The following TMEM117 variants were observed in gnomAD, a reference collection of about 807,000 sequenced individuals.
The protein encoded by TMEM117 is transmembrane protein 117.
TMEM117 carries 27 observed loss-of-function variants against 52.4 expected under a neutral mutation model. The observed-to-expected ratio is 0.51, with a 90% CI of 0.38 to 0.71. The LOEUF (loss-of-function observed/expected upper bound fraction) is 0.71, where lower values mean the gene tolerates loss of function less well. Ranked by LOEUF, TMEM117 falls within the 30% of genes least tolerant of loss-of-function variation. The pLI is 0.00. For synonymous variants in TMEM117, 215 were observed against 206.3 expected (o/e 1.04, Z -0.36); for missense variants, 556 against 630.5 (o/e 0.88, Z 1.26).
intron 3 of TMEM117, among the ~76,000 whole-genome samples, chr12:44,133,588 C>T (rs1000638818): frequency 6.6e-6 from 1 of 151,840 alleles, no homozygotes; most frequent in Non-Finnish European, 1.5e-5. Context: ...GCGTGAAATT[C>T]TTGGTGGTTA....
At chr12:44,195,339 A>C (rs1375774585) in intron 4 of TMEM117, among the ~76,000 whole-genome samples, 3 of 152,206 alleles carry the variant, frequency 2.0e-5, no homozygotes, top group South Asian at 4.1e-4. Flanking sequence ...GCATCCCTGC[A>C]TTGAATCCCT....
intron 5 of TMEM117, among the ~76,000 whole-genome samples, chr12:44,213,614 A>G (rs781104535): frequency 2.6e-5 from 4 of 152,080 alleles, no homozygotes; most frequent in Non-Finnish European, 5.9e-5. Flanking sequence ...CGTGGGAGGG[A>G]CCCAGTGGGA....
chr12:44,346,564 C>G (rs1488336178), intron 6 of TMEM117, among the ~76,000 whole-genome samples: 1 of 152,108 alleles, frequency 6.6e-6, no homozygotes, highest in Non-Finnish European at 1.5e-5. Context: ...GTCTATTTGT[C>G]TTTCAGACTC....
At chr12:44,323,302 G>A (rs1478120097) in intron 6 of TMEM117, among the ~76,000 whole-genome samples, 1 of 152,118 alleles carries the variant, frequency 6.6e-6, no homozygotes, top group African/African-American at 2.4e-5. Context: ...CTTTGTTACA[G>A]CAGGAATAGG....
chr12:44,175,563 G>C (rs143735949), intron 4 of TMEM117, among the ~76,000 whole-genome samples: 1 of 152,176 alleles, frequency 6.6e-6, no homozygotes, highest in Admixed American at 6.6e-5. Flanking sequence ...ATATTCAAAC[G>C]TCTTTTGCCC....
At chr12:43,860,071 T>A (rs1219651589) in intron 2 of TMEM117, among the ~76,000 whole-genome samples, 1 of 152,200 alleles carries the variant, frequency 6.6e-6, no homozygotes, top group Non-Finnish European at 1.5e-5. Context: ...ATGTGCAGAA[T>A]GTGCAGTTTT....
chr12:43,897,307 C>T (rs1944221889), intron 2 of TMEM117, among the ~76,000 whole-genome samples: 1 of 116,358 alleles, frequency 8.6e-6, no homozygotes, highest in Admixed American at 1.2e-4. Context: ...CCTTTTGTAA[C>T]CATTCTTTTT....
the TMEM117 span, chr12:43,800,640 G>C: frequency 2.6e-6 from 2 of 777,910 alleles, no homozygotes; most frequent in Non-Finnish European, 4.2e-6. Flanking sequence ...ACAAAACTGA[G>C]CTGAAGTCCA....
rs573959975 is a variant in TMEM117, at chr12:44,170,409, G to A, written c.510+26785G>A. 5.3e-4 allele frequency among the ~76,000 whole-genome samples: 80 copies of A among 152,084 alleles called. No individual in the cohort carries two copies. The East Asian group carries it at 6.4e-3, about 12-fold the overall frequency. On this transcript the variant is annotated intron_variant, in intron 4 of 7. Transcript: ENST00000266534. Reference sequence around the variant, plus strand: ...GTATACATATGTAACAAACCTGCACGTTGTGCATGTGTACCCTAGAACTTA... The same window carrying A: ...GTATACATATGTAACAAACCTGCACATTGTGCATGTGTACCCTAGAACTTA...
intron 2 of TMEM117, among the ~76,000 whole-genome samples, chr12:43,929,475 G>T (rs553353495): frequency 2.6e-5 from 4 of 152,058 alleles, no homozygotes; most frequent in Middle Eastern, 3.4e-3. Context: ...CTTCTGCCTT[G>T]TAGCTTATTT....
intron 5 of TMEM117, 40 bp downstream of exon 5, chr12:44,211,427 A>G (rs1379266906): frequency 2.1e-6 from 3 of 1,431,762 alleles, no homozygotes; most frequent in East Asian, 4.6e-5. Context: ...GCCTTGCCTC[A>G]TTCACTGAAG....
At chr12:44,107,543 G>T (rs575975582) in intron 3 of TMEM117, among the ~76,000 whole-genome samples, 1 of 151,974 alleles carries the variant, frequency 6.6e-6, no homozygotes, top group Admixed American at 6.6e-5. Context: ...GAGTTGACAT[G>T]GAGATAGGAA....
At chr12:44,045,986 A>G (rs115287223) in intron 3 of TMEM117, among the ~76,000 whole-genome samples, 5,463 of 152,320 alleles carry the variant, frequency 0.036, 204 homozygotes, top group African/African-American at 0.092. Flanking sequence ...TTACAACATG[A>G]ACTAGGTGAC....
intron 4 of TMEM117, among the ~76,000 whole-genome samples, chr12:44,183,516 A>C (rs114243731): frequency 6.6e-6 from 1 of 152,186 alleles, no homozygotes; most frequent in African/African-American, 2.4e-5. Flanking sequence ...TGTTTGATGT[A>C]AACATTAACT....
At chr12:44,217,736 C>G (rs1949736172) in intron 5 of TMEM117, among the ~76,000 whole-genome samples, 1 of 152,084 alleles carries the variant, frequency 6.6e-6, no homozygotes, top group Non-Finnish European at 1.5e-5. Flanking sequence ...TTCCAGAAAC[C>G]AAAGAGGAAC....
At chr12:44,122,066 G>A (rs1203229489) in intron 3 of TMEM117, among the ~76,000 whole-genome samples, 16 of 140,048 alleles carry the variant, frequency 1.1e-4, no homozygotes, top group Non-Finnish European at 2.3e-4. Context: ...TTTTTTTTGA[G>A]ACAGAGTCTC....
At chr12:44,317,955 T>C (rs1313071946) in intron 6 of TMEM117, among the ~76,000 whole-genome samples, 1 of 152,190 alleles carries the variant, frequency 6.6e-6, no homozygotes, top group Non-Finnish European at 1.5e-5. Context: ...CACCAGCACC[T>C]AATGCGTGGC....
At chr12:44,145,759 G>A (rs1207112731) in intron 4 of TMEM117, among the ~76,000 whole-genome samples, 2 of 152,264 alleles carry the variant, frequency 1.3e-5, no homozygotes, top group South Asian at 2.1e-4. Flanking sequence ...GATGCAGGAG[G>A]CTAAGATGAT....
chr12:44,398,196 AAGAGCCAGGGGCCCAATTCCACTGC>A, the TMEM117 span, among the ~76,000 whole-genome samples: 40 of 152,080 alleles, frequency 2.6e-4, no homozygotes, highest in Admixed American at 2.6e-3. Context: ...AAACAGGAGC[AAGAGCCAGGGGCCCAATTCCACTGC>A]AGGTTCCTCT....
Sources: gnomAD v4.1 joint callset for allele counts (sites outside exome capture counted in the v4.1 genomes callset) on GRCh38, gnomAD v4.1.1 for gene constraint, MANE v1.5 for transcripts, NCBI Gene and HGNC (gene_info 2026-07-23, HGNC 2026-07-21) for gene names.